ERICH3: variants seen among roughly 807,000 people sequenced by gnomAD.
ERICH3 encodes the protein glutamate-rich protein 3.
ERICH3 carries 126 observed loss-of-function variants against 131.1 expected under a neutral mutation model. That is an observed-to-expected ratio of 0.96 (90% CI 0.83 to 1.11). The LOEUF (loss-of-function observed/expected upper bound fraction) is 1.11, where lower values mean the gene tolerates loss of function less well. Ranked by LOEUF, ERICH3 falls within the 50% of genes most tolerant of loss-of-function variation. ERICH3 has a pLI of 0.00. For synonymous variants in ERICH3, 695 were observed against 644.6 expected (o/e 1.08, Z -1.18); for missense variants, 2,050 against 1,810.7 (o/e 1.13, Z -2.40).
Position 74,641,336 on chromosome 1 carries a change from C to T in ERICH3, c.439G>A (p.Ala147Thr), listed in dbSNP as rs756462647. 1.2e-5 allele frequency: 20 copies of T among 1,612,436 alleles called. No homozygotes were observed. The highest frequency in any genetic ancestry group is 1.7e-5 in the Non-Finnish European group (20 of 1,179,182). Residue 147 changes from alanine (A) to threonine (T), a missense_variant, in exon 5 of 15, where the codon GCA (alanine) becomes ACA (threonine). By Grantham distance (58) the Ala-to-Thr change is moderately conservative. Coordinates refer to ENST00000326665, the MANE Select transcript of ERICH3 (RefSeq NM_001002912.5). ...AAGTGTTTAATATTACTCACCAGTG[C>T]TAACGGACTGGAATGTCCTTCATCA... ...LVDEGHSSPL[A>T]LTAPRPYTAP...
intron 11 of ERICH3, among the ~76,000 whole-genome samples, chr1:74,593,986 A>C (rs1479489424): frequency 1.3e-5 from 2 of 152,042 alleles, no homozygotes; most frequent in Non-Finnish European, 2.9e-5. Flanking sequence ...CAGACAGGAA[A>C]TTGTTCTCTT....
At chr1:74,588,580 A>G (rs1346854908) in intron 12 of ERICH3, among the ~76,000 whole-genome samples, 1 of 152,182 alleles carries the variant, frequency 6.6e-6, no homozygotes, top group African/African-American at 2.4e-5. Flanking sequence ...TTTTAGTAAT[A>G]TTAAAATGTG....
chr1:74,666,995 G>A (rs1646698867), intron 1 of ERICH3, among the ~76,000 whole-genome samples: 1 of 152,126 alleles, frequency 6.6e-6, no homozygotes, highest in East Asian at 1.9e-4. Flanking sequence ...GTAGGGCACT[G>A]CACAAGTCTT....
chr1:74,626,303 C>G (rs1649413361), intron 7 of ERICH3, among the ~76,000 whole-genome samples: 1 of 152,054 alleles, frequency 6.6e-6, no homozygotes, highest in African/African-American at 2.4e-5. Flanking sequence ...AATAAGGCAA[C>G]TGAATGGAGA....
At chr1:74,628,604 G>C (rs770505290) in intron 7 of ERICH3, among the ~76,000 whole-genome samples, 2 of 151,906 alleles carry the variant, frequency 1.3e-5, no homozygotes, top group Non-Finnish European at 2.9e-5. Context: ...AGTTTGGGGG[G>C]AGTCAAAGTT....
intron 7 of ERICH3, among the ~76,000 whole-genome samples, chr1:74,629,899 G>A (rs11210488): frequency 0.42 from 63,134 of 151,974 alleles, 14,029 homozygotes; most frequent in Non-Finnish European, 0.5. Flanking sequence ...AGTCAGCATG[G>A]TGCTTGCTCT....
chr1:74,591,884 T>C (rs909178212), intron 11 of ERICH3: 4 of 152,194 alleles, frequency 2.6e-5, no homozygotes, highest in African/African-American at 9.7e-5. Flanking sequence ...GTTTTCTCTG[T>C]ACTCCTTACT....
chr1:74,666,769 C>T (rs1049673296), intron 1 of ERICH3, among the ~76,000 whole-genome samples: 1 of 137,458 alleles, frequency 7.3e-6, no homozygotes, highest in Non-Finnish European at 1.6e-5. Flanking sequence ...TGCAAATATA[C>T]TACCTGGTTA....
chr1:74,636,783 G>A (rs61778102), intron 5 of ERICH3, among the ~76,000 whole-genome samples: 2,238 of 152,152 alleles, frequency 0.015, 22 homozygotes, highest in Middle Eastern at 0.058. Context: ...TTAATGTTAC[G>A]TTGAATAATG....
In ERICH3 at chr1:74,595,849, C is replaced by A. The variant is rs544487790; in HGVS notation, c.1726+3846G>T. On this transcript the variant is annotated intron_variant, in intron 11 of 14. Coordinates refer to ENST00000326665, the MANE Select transcript of ERICH3 (RefSeq NM_001002912.5). Reference sequence around the variant, plus strand: ...TTGGGGAATTATTACCATTAAGAAACATTTAAGTTTGATTGACCACGCAAA... The same window carrying A: ...TTGGGGAATTATTACCATTAAGAAAAATTTAAGTTTGATTGACCACGCAAA... Among the ~76,000 whole-genome samples, 17 of 152,174 alleles carry A rather than the reference C, an allele frequency of 1.1e-4. No individual in the cohort carries two copies. The South Asian group carries it at 1.9e-3, about 17-fold the overall frequency.
Position 74,572,491 on chromosome 1 carries a change from A to G in ERICH3, c.3219T>C (p.Thr1073=), listed in dbSNP as rs750762125. The G allele has an allele frequency of 3.1e-6, 5 of 1,614,000 alleles. No homozygotes were observed. The highest frequency in any genetic ancestry group is 4.2e-6 in the Non-Finnish European group (5 of 1,179,992). The change falls in exon 14 of 15, where the codon ACT becomes ACC. Residue 1073 remains threonine, a synonymous_variant. Transcript: ENST00000326665. ...AERPKTSLRK[T]DSEREEVTRA... is the part of the protein sequence containing the mutation. ...TTGTCACCTCTTCTCTCTCAGAGTC[A>G]GTTTTCCTCAGAGATGTTTTTGGCC...
chr1:74,626,806 T>A (rs1649431875), intron 7 of ERICH3, among the ~76,000 whole-genome samples: 1 of 152,158 alleles, frequency 6.6e-6, no homozygotes, highest in East Asian at 1.9e-4. Flanking sequence ...CAGAGACAAC[T>A]TGCTGGACTG....
intron 12 of ERICH3, chr1:74,589,255 T>C: frequency 3.1e-6 from 1 of 317,884 alleles, no homozygotes; most frequent in Non-Finnish European, 5.7e-6. Context: ...GCTATATATC[T>C]GAAACTCCAT....
intron 11 of ERICH3, among the ~76,000 whole-genome samples, chr1:74,595,997 T>C (rs1647828603): frequency 6.6e-6 from 1 of 152,058 alleles, no homozygotes; most frequent in Admixed American, 6.6e-5. Flanking sequence ...GCACAAAGAA[T>C]TTCAACACAG....
intron 1 of ERICH3, among the ~76,000 whole-genome samples, chr1:74,665,086 C>A (rs1446343709): frequency 6.6e-6 from 1 of 151,996 alleles, no homozygotes; most frequent in African/African-American, 2.4e-5. Flanking sequence ...AAGGTAAAAA[C>A]CCTCATGAAT....
Position 74,571,489 on chromosome 1 carries a change from T to A in ERICH3, c.4221A>T (p.Glu1407Asp), listed in dbSNP as rs1351073291. ...TAAAGKVVVE[E>D]LARSGEEVPA... ...GCACTTCCTCCCCACTCCGTGCTAATTCCTCTACCACCACCTTCCCTGCAG... is the reference window on the plus strand; with the variant it reads ...GCACTTCCTCCCCACTCCGTGCTAAATCCTCTACCACCACCTTCCCTGCAG... Residue 1407 changes from glutamate (E) to aspartate (D), a missense_variant, in exon 14 of 15, where the codon GAA becomes GAT. Glu to Asp is a conservative substitution (Grantham distance 45, BLOSUM62 2). Transcript: ENST00000326665. 2 of 1,613,944 alleles carry A rather than the reference T, an allele frequency of 1.2e-6. No individual in the cohort carries two copies. Among genetic ancestry groups the A allele is most frequent in the East Asian group, 4.5e-5 (2 of 44,858 alleles).
At chr1:74,581,306 G>C (rs955036643) in intron 12 of ERICH3, among the ~76,000 whole-genome samples, 5 of 151,970 alleles carry the variant, frequency 3.3e-5, no homozygotes, top group Admixed American at 6.6e-5. Flanking sequence ...CATGTGTTAG[G>C]TTTTTCCTTC....
chr1:74,589,565 T>C lies in ERICH3; in HGVS notation c.2176+66A>G, dbSNP rs562841225. 2.4e-5 allele frequency: 35 copies of C among 1,470,588 alleles called. No individual in the cohort carries two copies. In the East Asian group the frequency reaches 7.3e-4, roughly 31 times the overall value. The allele number at this position is 1,470,588 out of a possible 1,614,324, so 91.1% of individuals were successfully genotyped here. A position where few individuals can be genotyped will look rare whatever the true frequency, so the allele number is the denominator to read the frequency against. ...TAGTATTTCCCAAGCTTTGGCATAG[T>C]GCAATGACCAAAATCAGCTTCCATG... On this transcript the variant is annotated intron_variant, in intron 12 of 14. Coordinates refer to ENST00000326665, the MANE Select transcript of ERICH3 (RefSeq NM_001002912.5).
At chr1:74,639,408 A>C (rs1646418663) in intron 5 of ERICH3, among the ~76,000 whole-genome samples, 1 of 152,214 alleles carries the variant, frequency 6.6e-6, no homozygotes, top group African/African-American at 2.4e-5. Context: ...ATTTATCTCT[A>C]AAAGCAAATC....
Sources: gnomAD v4.1 joint callset for allele counts (sites outside exome capture counted in the v4.1 genomes callset) on GRCh38, gnomAD v4.1.1 for gene constraint, MANE v1.5 for transcripts, NCBI Gene and HGNC (gene_info 2026-07-23, HGNC 2026-07-21) for gene names.